CLEC16A: variants seen among roughly 807,000 people sequenced by gnomAD.
CLEC16A encodes the protein C-type lectin domain containing 16A, also known as protein CLEC16A.
Under a neutral mutation model 109.5 loss-of-function variants are expected in CLEC16A, and 51 were observed. The observed-to-expected ratio is 0.47, with a 90% CI of 0.37 to 0.59. The LOEUF (loss-of-function observed/expected upper bound fraction) is 0.59. CLEC16A is among the 20% of genes least tolerant of loss of function. The pLI is 0.00. For missense variants in CLEC16A, 1,339 were observed against 1,394.0 expected (o/e 0.96, Z 0.63); for synonymous variants, 673 against 564.2 (o/e 1.19, Z -2.73).
chr16:10,962,451 C>A lies in CLEC16A; in HGVS notation c.210-4C>A. The A allele has an allele frequency of 6.2e-7, 1 of 1,613,944 alleles. No homozygotes were observed. The highest frequency in any genetic ancestry group is 1.1e-5 in the South Asian group (1 of 91,068). On this transcript the variant is annotated splice_region_variant and splice_polypyrimidine_tract_variant and intron_variant, in intron 2 of 23. Coordinates refer to ENST00000409790, the MANE Select transcript of CLEC16A (RefSeq NM_015226.3). ...CCACTGATGCTTTTCCATTCTCTCCCCAGCTTCTTCCTGGAGAAGAATATG... is the reference window on the plus strand; with the variant it reads ...CCACTGATGCTTTTCCATTCTCTCCACAGCTTCTTCCTGGAGAAGAATATG...
chr16:11,001,431 G>C (rs1246555132), intron 10 of CLEC16A, among the ~76,000 whole-genome samples: 1 of 152,188 alleles, frequency 6.6e-6, no homozygotes, highest in African/African-American at 2.4e-5. Flanking sequence ...TTAGCTCCTG[G>C]TGAAACACTG....
chr16:11,158,303 C>T (rs1205620450), intron 22 of CLEC16A, among the ~76,000 whole-genome samples: 1 of 152,164 alleles, frequency 6.6e-6, no homozygotes, highest in Non-Finnish European at 1.5e-5. Context: ...GCTCAGGGCA[C>T]CCACGCCTCA....
At chr16:11,123,509 G>A (rs1308448513) in intron 20 of CLEC16A, among the ~76,000 whole-genome samples, 1 of 152,188 alleles carries the variant, frequency 6.6e-6, no homozygotes, top group East Asian at 1.9e-4. Context: ...ACCACCACCA[G>A]CATCCGCTCC....
Position 11,039,761 on chromosome 16 carries a change from T to C in CLEC16A, c.1545T>C (p.Asp515=), listed in dbSNP as rs201264682. 3 of 1,599,800 alleles carry C rather than the reference T, an allele frequency of 1.9e-6. No individual in the cohort carries two copies. Among genetic ancestry groups the C allele is most frequent in the Non-Finnish European group, 2.6e-6 (3 of 1,173,354 alleles). ...LYAMSHNKGM[D]PEKLERIQLP... is the part of the protein sequence containing the mutation. Reference sequence around the variant, plus strand: ...CCTTCTCCTCTGTTCCAGGCATGGATCCTGAAAAATTAGAGCGAATCCAGC... The same window carrying C: ...CCTTCTCCTCTGTTCCAGGCATGGACCCTGAAAAATTAGAGCGAATCCAGC... The change falls in exon 14 of 24, where the codon GAT becomes GAC. Residue 515 remains aspartate (D), a synonymous_variant. Coordinates refer to ENST00000409790, the MANE Select transcript of CLEC16A (RefSeq NM_015226.3).
rs113319319 is a variant in CLEC16A at position 11,122,479 on chromosome 16, C to CT, written c.2269-1254dup. ...ATCAGACAATGAAAGCCACATAAACCTTTTTTTTTGGCCGTCTTCCAATGG... is the reference window on the plus strand; with the variant it reads ...ATCAGACAATGAAAGCCACATAAACCTTTTTTTTTTGGCCGTCTTCCAATGG... On this transcript the variant is annotated intron_variant, in intron 20 of 23. Coordinates refer to ENST00000409790, the MANE Select transcript of CLEC16A (RefSeq NM_015226.3). Among the ~76,000 whole-genome samples, 22 of 151,214 alleles carry CT rather than the reference C, an allele frequency of 1.5e-4. No individual in the cohort carries two copies. The South Asian group carries it at 2.9e-3, about 20-fold the overall frequency.
At chr16:11,120,588 A>T in intron 19 of CLEC16A, 27 bp from the exon 20 acceptor site, 1 of 1,592,168 alleles carries the variant, frequency 6.3e-7, no homozygotes, top group Non-Finnish European at 8.6e-7. Context: ...ACTGTGCCTC[A>T]TTCTCTTCTC....
intron 19 of CLEC16A, chr16:11,070,630 C>A (rs2049020813): frequency 6.6e-6 from 1 of 152,184 alleles, no homozygotes; most frequent in South Asian, 2.1e-4. Flanking sequence ...GAAGCCAGAT[C>A]ATGTTCTTCA....
At chr16:11,169,736 G>A (rs748282033) in intron 23 of CLEC16A, among the ~76,000 whole-genome samples, 13 of 152,212 alleles carry the variant, frequency 8.5e-5, no homozygotes, top group Non-Finnish European at 1.9e-4. Context: ...TTAAAAGCTG[G>A]GAGTGACCTT....
chr16:11,030,704 G>A (rs2046690488), intron 13 of CLEC16A, among the ~76,000 whole-genome samples: 1 of 152,162 alleles, frequency 6.6e-6, no homozygotes, highest in Non-Finnish European at 1.5e-5. Context: ...GAATGCAATG[G>A]TGCAATCTTG....
chr16:11,124,659 A>G (rs1469369430), intron 21 of CLEC16A, among the ~76,000 whole-genome samples: 1 of 152,044 alleles, frequency 6.6e-6, no homozygotes, highest in East Asian at 1.9e-4. Context: ...CATGCTGTCA[A>G]CTCCTAAAAT....
chr16:11,104,943 C>T (rs2051129469), intron 19 of CLEC16A, among the ~76,000 whole-genome samples: 1 of 152,204 alleles, frequency 6.6e-6, no homozygotes, highest in Non-Finnish European at 1.5e-5. Flanking sequence ...TGTTCCTGGG[C>T]TGCTGGGCTG....
intron 10 of CLEC16A, among the ~76,000 whole-genome samples, chr16:10,991,857 C>T (rs1235321779): frequency 6.6e-6 from 1 of 152,214 alleles, no homozygotes; most frequent in East Asian, 1.9e-4. Context: ...GCTCACTTCT[C>T]AGAGACCCCT....
Position 11,020,248 on chromosome 16 carries a change from C to G in CLEC16A, c.1359C>G (p.Thr453=). ...AGCTCTCAGAGCTGGCCGCCAGCAC[C>G]TCCGTGCAGGAGCAGAACACCACGG... is the stretch of plus-strand genomic sequence containing the variant. ...RSKLSELAAS[T]SVQEQNTTDE... is the part of the protein sequence containing the mutation. The change falls in exon 12 of 24, where the codon ACC becomes ACG. Residue 453 remains threonine, a synonymous_variant. Transcript: ENST00000409790. The G allele has an allele frequency of 6.2e-7, 1 of 1,613,822 alleles. No individual in the cohort carries two copies. Among genetic ancestry groups the G allele is most frequent in the Non-Finnish European group, 8.5e-7 (1 of 1,179,796 alleles).
intron 17 of CLEC16A, among the ~76,000 whole-genome samples, chr16:11,051,307 A>G (rs2047926574): frequency 6.6e-6 from 1 of 152,186 alleles, no homozygotes; most frequent in Non-Finnish European, 1.5e-5. Flanking sequence ...TTAAAGGAAA[A>G]ATCTGCAATT....
chr16:10,988,046 C>T (rs1354968195), intron 10 of CLEC16A, among the ~76,000 whole-genome samples: 1 of 152,202 alleles, frequency 6.6e-6, no homozygotes, highest in Admixed American at 6.5e-5. Flanking sequence ...CATATGGTTC[C>T]TGCTAAAGGC....
intron 1 of CLEC16A, among the ~76,000 whole-genome samples, chr16:10,957,515 C>G (rs2042046333): frequency 6.6e-6 from 1 of 152,238 alleles, no homozygotes; most frequent in Non-Finnish European, 1.5e-5. Context: ...GGTTCTCTTG[C>G]ACACTGCAGT....
At chr16:11,027,013 C>A in intron 13 of CLEC16A, 1 of 1,568,362 alleles carries the variant, frequency 6.4e-7, no homozygotes, top group Non-Finnish European at 8.8e-7. Context: ...AGTAGCTGCA[C>A]CACTAGAAAG....
chr16:11,041,327 C>G lies in CLEC16A; in HGVS notation c.1661-927C>G, dbSNP rs905081061. 3 of 152,216 alleles carry G rather than the reference C, an allele frequency of 2.0e-5. No individual in the cohort carries two copies. In the East Asian group the frequency reaches 5.8e-4, roughly 29 times the overall value. 9.4% of individuals were successfully genotyped at this position (152,216 alleles called of 1,614,324 possible). A position where few individuals can be genotyped will look rare whatever the true frequency, so the allele number is the denominator to read the frequency against. On this transcript the variant is annotated intron_variant, in intron 14 of 23. Coordinates refer to ENST00000409790, the MANE Select transcript of CLEC16A (RefSeq NM_015226.3). ...GCATAGTAAGTAAGCTGTGTTAGAG[C>G]TCTCTTGGTCTTGACAGAAACCCGA...
At chr16:11,020,656 A>G (rs2046045865) in intron 12 of CLEC16A, among the ~76,000 whole-genome samples, 1 of 152,204 alleles carries the variant, frequency 6.6e-6, no homozygotes, top group South Asian at 2.1e-4. Context: ...TGCTGCTCCA[A>G]GGAAGGATCC....
Sources: allele counts gnomAD v4.1 joint callset (sites outside exome capture counted in the v4.1 genomes callset), GRCh38; gene constraint gnomAD v4.1.1; transcripts MANE v1.5; gene names NCBI Gene and HGNC (gene_info 2026-07-23, HGNC 2026-07-21).